FOXK2: variants seen among roughly 807,000 people sequenced by gnomAD.
The protein encoded by FOXK2 is forkhead box protein K2.
In FOXK2, 24 loss-of-function variants were observed where a neutral mutation model predicts 53.3. The ratio of observed to expected loss-of-function variants is 0.45; its 90% CI spans 0.33 to 0.63. FOXK2 has a LOEUF of 0.63. Among genes scored for constraint, FOXK2 ranks in the 30% least tolerant of loss-of-function variants. The probability of loss-of-function intolerance (pLI) is 0.03; values close to 1 mark genes in which losing one functional copy is unlikely to be tolerated. For missense variants in FOXK2, 952 were observed against 910.5 expected (o/e 1.05, Z -0.59); for synonymous variants, 505 against 407.1 (o/e 1.24, Z -2.89).
intron 1 of FOXK2, among the ~76,000 whole-genome samples, chr17:82,561,157 G>A (rs2044788868): frequency 6.6e-6 from 1 of 152,140 alleles, no homozygotes. Context: ...TGATGGGCGC[G>A]TTTTGAAGGC....
At chr17:82,593,907 T>G (rs887797142) in intron 8 of FOXK2, 2 of 152,298 alleles carry the variant, frequency 1.3e-5, no homozygotes, top group Non-Finnish European at 2.9e-5. Context: ...CTGCCGCCAC[T>G]GGATTGACAG....
intron 8 of FOXK2, chr17:82,601,041 C>CTGT: frequency 2.3e-6 from 1 of 443,402 alleles, no homozygotes; most frequent in South Asian, 4.4e-5. Flanking sequence ...AAAATGTCCG[C>CTGT]TAATCAGGCA....
intron 8 of FOXK2, chr17:82,596,127 A>G: frequency 2.6e-6 from 2 of 768,520 alleles, no homozygotes; most frequent in South Asian, 8.4e-5. Context: ...ACAGACTGCG[A>G]CCGCGATTGC....
chr17:82,520,930 A>G (rs4789780), intron 1 of FOXK2, among the ~76,000 whole-genome samples: 25,222 of 152,176 alleles, frequency 0.17, 2,637 homozygotes, highest in East Asian at 0.39. Flanking sequence ...TGCTTTTCGC[A>G]TAACTTCTAC....
rs113527231 is a variant in FOXK2 at position 82,586,011 on chromosome 17, T to A, written c.1387T>A (p.Ser463Thr). ...TVATPVTTST[S>T]QPPVVQTVHV... ...GGCCACCCCAGTGACCACCTCGACC[T>A]CCCAGCCACCCGTCGTGCAGACGGT... Residue 463 changes from serine (S) to threonine (T), a missense_variant, in exon 7 of 9, where the codon TCC (serine) becomes ACC (threonine). By Grantham distance (58) the Ser-to-Thr change is moderately conservative (BLOSUM62 1). Transcript: ENST00000335255. The A allele has an allele frequency of 1.2e-6, 2 of 1,612,584 alleles. No homozygotes were observed. Among genetic ancestry groups the A allele is most frequent in the Admixed American group, 1.7e-5 (1 of 59,984 alleles).
At chr17:82,581,567 C>T (rs925256725) in intron 4 of FOXK2, among the ~76,000 whole-genome samples, 2 of 151,848 alleles carry the variant, frequency 1.3e-5, no homozygotes, top group Non-Finnish European at 2.9e-5. Context: ...GCTCTGCCTC[C>T]CGGGTTCACA....
chr17:82,558,279 A>G (rs771742551), intron 1 of FOXK2, among the ~76,000 whole-genome samples: 8 of 152,314 alleles, frequency 5.3e-5, no homozygotes, highest in Middle Eastern at 3.4e-3. Flanking sequence ...TTGAGGCTGC[A>G]GTGAGCTGTG....
At chr17:82,577,481 A>T (rs1485994654) in intron 4 of FOXK2, 2 of 331,194 alleles carry the variant, frequency 6.0e-6, no homozygotes, top group Admixed American at 5.0e-5. Flanking sequence ...TCTCGCAGCC[A>T]AAGCTGCGGC....
At chr17:82,520,937 C>G (rs2044355718) in intron 1 of FOXK2, among the ~76,000 whole-genome samples, 1 of 152,154 alleles carries the variant, frequency 6.6e-6, no homozygotes, top group Admixed American at 6.5e-5. Flanking sequence ...CGCATAACTT[C>G]TACAAAAAGA....
At chr17:82,592,772 C>T (rs537993026) in intron 8 of FOXK2, among the ~76,000 whole-genome samples, 7 of 152,346 alleles carry the variant, frequency 4.6e-5, no homozygotes, top group South Asian at 4.1e-4. Context: ...GGTGTGAGGG[C>T]GCACGCTTCG....
At chr17:82,580,991 A>G (rs1296834984) in intron 4 of FOXK2, among the ~76,000 whole-genome samples, 2 of 152,236 alleles carry the variant, frequency 1.3e-5, no homozygotes, top group East Asian at 1.9e-4. Flanking sequence ...CACTTGGACA[A>G]CCCCTGAGAT....
chr17:82,524,063 G>A (rs1024869108), intron 1 of FOXK2, among the ~76,000 whole-genome samples: 3 of 151,852 alleles, frequency 2.0e-5, no homozygotes, highest in Middle Eastern at 6.9e-3. Flanking sequence ...CTGGCTTTGT[G>A]TTTTTTGTAG....
At chr17:82,554,962 TG>T (rs1426866874) in intron 1 of FOXK2, among the ~76,000 whole-genome samples, 1 of 152,126 alleles carries the variant, frequency 6.6e-6, no homozygotes, top group Non-Finnish European at 1.5e-5. Context: ...TTGGCCAGGC[TG>T]GGTTCGAACT....
In FOXK2 at chr17:82,566,171, C is replaced by T. The variant is rs572995978; in HGVS notation, c.615-1883C>T. Among the ~76,000 whole-genome samples the T allele has an allele frequency of 4.6e-5, 7 of 151,982 alleles. No individual in the cohort carries two copies. The East Asian group carries it at 7.7e-4, about 17-fold the overall frequency. ...TGATGGCTGCACCTCTGTGTGAATGCGCTTCATGCTGCTGAAGTGTGCAGT... is the reference window on the plus strand; with the variant it reads ...TGATGGCTGCACCTCTGTGTGAATGTGCTTCATGCTGCTGAAGTGTGCAGT... On this transcript the variant is annotated intron_variant, in intron 2 of 8. Transcript: ENST00000335255.
intron 4 of FOXK2, among the ~76,000 whole-genome samples, chr17:82,576,135 TCGGG>T (rs1214335007): frequency 1.7e-4 from 2 of 11,930 alleles, no homozygotes; most frequent in African/African-American, 5.3e-4. Context: ...GCGTGTGTGC[TCGGG>T]TGGCGGCGGC....
chr17:82,568,499 CAT>C (rs2044877426), intron 3 of FOXK2, among the ~76,000 whole-genome samples: 1 of 152,204 alleles, frequency 6.6e-6, no homozygotes, highest in Admixed American at 6.5e-5. Context: ...TTGTGGAGCT[CAT>C]GTGTGTTTGT....
chr17:82,545,263 C>T (rs932006019), intron 1 of FOXK2, among the ~76,000 whole-genome samples: 1 of 152,206 alleles, frequency 6.6e-6, no homozygotes, highest in Non-Finnish European at 1.5e-5. Flanking sequence ...CCTCCCACTC[C>T]TCAGCTCGGA....
At position 82,584,092 on chromosome 17, in the gene FOXK2, A is replaced by G; in HGVS notation, c.1183A>G (p.Arg395Gly). 1 of 1,611,778 alleles carries G rather than the reference A, an allele frequency of 6.2e-7. No homozygotes were observed. Among genetic ancestry groups the G allele is most frequent in the Non-Finnish European group, 8.5e-7 (1 of 1,179,906 alleles). The part of the protein sequence containing the change: ...SGAQTPESLS[R>G]EGSPAPLEPE... ...CGCCCAGACCCCTGAGAGCCTGTCG[A>G]GGGAAGGTTCGCCGGCCCCCCTGGA... The change falls in exon 6 of 9, where the codon AGG (arginine) becomes GGG (glycine). Residue 395 changes from arginine to glycine, a missense_variant. Physicochemically the swap from Arg to Gly is moderately radical, Grantham distance 125 (BLOSUM62 -2). Around this residue, in one of 5 missense-constraint regions of FOXK2, gnomAD observed 551 missense variants for 385.1 expected, o/e 1.43. Coordinates refer to ENST00000335255, the MANE Select transcript of FOXK2 (RefSeq NM_004514.4).
intron 8 of FOXK2, among the ~76,000 whole-genome samples, chr17:82,596,634 G>A (rs1207377035): frequency 6.6e-6 from 1 of 152,246 alleles, no homozygotes; most frequent in Non-Finnish European, 1.5e-5. Context: ...CTCCAACTTT[G>A]TTCTTTTTAA....
Sources: allele counts gnomAD v4.1 joint callset (sites outside exome capture counted in the v4.1 genomes callset), GRCh38; gene constraint gnomAD v4.1.1; regional missense constraint gnomAD v4.1.1; transcripts MANE v1.5; gene names NCBI Gene and HGNC (gene_info 2026-07-23, HGNC 2026-07-21).